The following ATG4D variants were observed in gnomAD, a reference collection of about 807,000 sequenced individuals.
The protein encoded by ATG4D is cysteine protease ATG4D.
Under a neutral mutation model 55.2 loss-of-function variants are expected in ATG4D, and 51 were observed. The ratio of observed to expected loss-of-function variants is 0.92; its 90% CI spans 0.74 to 1.17. ATG4D has a LOEUF of 1.17. ATG4D is among the 50% of genes most tolerant of loss of function. The pLI, the probability that ATG4D is intolerant of heterozygous loss-of-function variation, is 0.00. For synonymous variants in ATG4D, 268 were observed against 266.2 expected (o/e 1.01, Z -0.07); for missense variants, 635 against 649.6 (o/e 0.98, Z 0.25).
In ATG4D at chr19:10,553,303, C is replaced by A. The variant is rs546576171; in HGVS notation, c.*236C>A. 2.7e-5 allele frequency: 14 copies of A among 523,518 alleles called. No individual in the cohort carries two copies. The East Asian group carries it at 4.0e-4, about 15-fold the overall frequency. 32.4% of individuals were successfully genotyped at this position (523,518 alleles called of 1,614,324 possible). A position where few individuals can be genotyped will look rare whatever the true frequency, so the allele number is the denominator to read the frequency against. On this transcript the variant is annotated 3_prime_UTR_variant, in exon 10 of 10. Transcript: ENST00000309469. The stretch of plus-strand genomic sequence containing the variant: ...TAGGGAAGGAGGACCCCGGGCACCC[C>A]CCTCAGGGCCTGACTCACGTACTGT...
chr19:10,547,385 A>T, intron 5 of ATG4D, 132 bp downstream of exon 5: 1 of 1,074,010 alleles, frequency 9.3e-7, no homozygotes, highest in Non-Finnish European at 1.3e-6. Flanking sequence ...GAAGGATGCA[A>T]GGCCTGTGCA....
chr19:10,553,288 G>C lies in ATG4D; in HGVS notation c.*221G>C, dbSNP rs925493688. 7.0e-6 allele frequency: 4 copies of C among 569,924 alleles called. No homozygotes were observed. The highest frequency in any genetic ancestry group is 5.6e-5 in the African/African-American group (3 of 53,658). The allele number at this position is 569,924 out of a possible 1,614,324, so 35.3% of individuals were successfully genotyped here. A position where few individuals can be genotyped will look rare whatever the true frequency, so the allele number is the denominator to read the frequency against. On this transcript the variant is annotated 3_prime_UTR_variant, in exon 10 of 10. Coordinates refer to ENST00000309469, the MANE Select transcript of ATG4D (RefSeq NM_032885.6). ...GCCCTCCTGGCAGGGTAGGGAAGGA[G>C]GACCCCGGGCACCCCCCTCAGGGCC...
chr19:10,553,014 G>C lies in ATG4D; in HGVS notation c.1372G>C (p.Gly458Arg). 6.2e-7 allele frequency: 1 copy of C among 1,612,572 alleles called. No homozygotes were observed. Among genetic ancestry groups the C allele is most frequent in the Non-Finnish European group, 8.5e-7 (1 of 1,179,902 alleles). Residue 458 changes from glycine to arginine, a missense_variant, in exon 10 of 10, where the codon GGG (glycine) becomes CGG (arginine). Physicochemically the swap from Gly to Arg is moderately radical, Grantham distance 125. Transcript: ENST00000309469. ...GCCCACACTCCGGCTCCCTCGCACA[G>C]GGCGGCTCCTCAGGGCCAAACGCCC... ...AQPTLRLPRT[G>R]RLLRAKRPSS...
In ATG4D at chr19:10,553,206, G is replaced by T. The variant is rs933173964; in HGVS notation, c.*139G>T. On this transcript the variant is annotated 3_prime_UTR_variant, in exon 10 of 10. Transcript: ENST00000309469. ...CAAGCCCAGCTGCAACCAGTCTGGG[G>T]CCATTCAGCCAGGGACAGAGCCCAC... 3.8e-5 allele frequency: 42 copies of T among 1,102,224 alleles called. No homozygotes were observed. Among genetic ancestry groups the T allele is most frequent in the Admixed American group, 2.8e-4 (10 of 36,024 alleles). 68.3% of individuals were successfully genotyped at this position (1,102,224 alleles called of 1,614,324 possible).
chr19:10,551,500 C>G (rs1916226220), intron 6 of ATG4D, among the ~76,000 whole-genome samples: 1 of 151,264 alleles, frequency 6.6e-6, no homozygotes, highest in African/African-American at 2.4e-5. Context: ...GAGTTCCAGA[C>G]CAGCCTGGCT....
At chr19:10,552,836 T>C (rs1314830329) in intron 9 of ATG4D, 49 bp from the exon 10 acceptor site, 4 of 1,553,330 alleles carry the variant, frequency 2.6e-6, no homozygotes, top group Non-Finnish European at 3.5e-6. Context: ...GGCTAAGGAA[T>C]ATGGCTTGGC....
chr19:10,549,166 CAGGCTGG>C, intron 6 of ATG4D, 132 bp downstream of exon 6: 1 of 1,257,726 alleles, frequency 8.0e-7, no homozygotes, highest in Non-Finnish European at 1.1e-6. Flanking sequence ...TCTTGTTGCC[CAGGCTGG>C]AGGTCAATAA....
intron 9 of ATG4D, 70 bp from the exon 10 acceptor site, chr19:10,552,814 TA>T: frequency 6.7e-7 from 1 of 1,485,510 alleles, no homozygotes; most frequent in East Asian, 2.3e-5. Context: ...AAGCACCTAC[TA>T]AATAAACCTG....
rs1330428490 is a variant in ATG4D, at chr19:10,552,957, A to G, written c.1315A>G (p.Ser439Gly). The change falls in exon 10 of 10, where the codon AGC (serine) becomes GGC (glycine). Residue 439 changes from serine to glycine, a missense_variant. By Grantham distance (56) the Ser-to-Gly change is moderately conservative. Coordinates refer to ENST00000309469, the MANE Select transcript of ATG4D (RefSeq NM_032885.6). The stretch of plus-strand genomic sequence containing the variant: ...GGCCGAGGGCCATGCTCAGGACCAC[A>G]GCCTGGACGACCTCTGCTCCCAGCT... The part of the protein sequence containing the change: ...TLAEGHAQDH[S>G]LDDLCSQLAQ... 3 of 1,613,646 alleles carry G rather than the reference A, an allele frequency of 1.9e-6. No individual in the cohort carries two copies. The highest frequency in any genetic ancestry group is 1.7e-6 in the Non-Finnish European group (2 of 1,179,998).
In ATG4D at chr19:10,546,864, C is replaced by T; in HGVS notation, c.519C>T (p.Gly173=). The change falls in exon 4 of 10, where the codon GGC becomes GGT. Residue 173 remains glycine (G), a synonymous_variant. Coordinates refer to ENST00000309469, the MANE Select transcript of ATG4D (RefSeq NM_032885.6). ...ACTGGACATGGGCCGAGGGCATGGGCCTGGGCCCCCCTGAGCTGTCAGGGT... is the reference window on the plus strand; with the variant it reads ...ACTGGACATGGGCCGAGGGCATGGGTCTGGGCCCCCCTGAGCTGTCAGGGT... ...PRDWTWAEGM[G]LGPPELSGSA... The T allele has an allele frequency of 6.2e-7, 1 of 1,601,922 alleles. No homozygotes were observed. Among genetic ancestry groups the T allele is most frequent in the Non-Finnish European group, 8.5e-7 (1 of 1,173,182 alleles).
At chr19:10,550,236 G>T (rs1054576822) in intron 6 of ATG4D, among the ~76,000 whole-genome samples, 1 of 152,038 alleles carries the variant, frequency 6.6e-6, no homozygotes, top group African/African-American at 2.4e-5. Context: ...TTGAACTCCC[G>T]ACCTCAGGTG....
At chr19:10,545,814 C>T (rs777192896) in intron 3 of ATG4D, among the ~76,000 whole-genome samples, 30 of 151,574 alleles carry the variant, frequency 2.0e-4, no homozygotes, top group Non-Finnish European at 2.8e-4. Context: ...TGCAGTGAGC[C>T]GAGATCCGTG....
Position 10,553,035 on chromosome 19 carries a change from C to A in ATG4D, c.1393C>A (p.Arg465Ser), listed in dbSNP as rs755619900. The change falls in exon 10 of 10, where the codon CGC (arginine) becomes AGC (serine). Residue 465 changes from arginine (R) to serine (S), a missense_variant. By Grantham distance (110) the Arg-to-Ser change is moderately radical. Transcript: ENST00000309469. ...CACAGGGCGGCTCCTCAGGGCCAAA[C>A]GCCCCAGCTCTGAGGACTTTGTGTT... is the stretch of plus-strand genomic sequence containing the variant. Reference protein sequence around the residue: ...PRTGRLLRAKRPSSEDFVFL With the variant: ...PRTGRLLRAKSPSSEDFVFL 1 of 1,610,606 alleles carries A rather than the reference C, an allele frequency of 6.2e-7. No individual in the cohort carries two copies. The highest frequency in any genetic ancestry group is 2.2e-5 in the East Asian group (1 of 44,846).
At position 10,553,207 on chromosome 19, in the gene ATG4D, C is replaced by T. The variant is rs1240221825; in HGVS notation, c.*140C>T. On this transcript the variant is annotated 3_prime_UTR_variant, in exon 10 of 10. Coordinates refer to ENST00000309469, the MANE Select transcript of ATG4D (RefSeq NM_032885.6). ...AAGCCCAGCTGCAACCAGTCTGGGGCCATTCAGCCAGGGACAGAGCCCACA... is the reference window on the plus strand; with the variant it reads ...AAGCCCAGCTGCAACCAGTCTGGGGTCATTCAGCCAGGGACAGAGCCCACA... The T allele has an allele frequency of 3.8e-5, 42 of 1,096,824 alleles. No individual in the cohort carries two copies. The highest frequency in any genetic ancestry group is 2.8e-4 in the Admixed American group (10 of 35,872). The allele number at this position is 1,096,824 out of a possible 1,614,324, so 67.9% of individuals were successfully genotyped here. A position where few individuals can be genotyped will look rare whatever the true frequency, so the allele number is the denominator to read the frequency against.
Position 10,552,919 on chromosome 19 carries a change from C to G in ATG4D, c.1277C>G (p.Pro426Arg). Residue 426 changes from proline to arginine, a missense_variant, in exon 10 of 10, where the codon CCC (proline) becomes CGC (arginine). Coordinates refer to ENST00000309469, the MANE Select transcript of ATG4D (RefSeq NM_032885.6). Reference protein sequence around the residue: ...LSSSSATERYPMFTLAEGHAQ... With the variant: ...LSSSSATERYRMFTLAEGHAQ... ...TCCTCCTCAGCCACAGAGCGGTACC[C>G]CATGTTCACCCTGGCCGAGGGCCAT... 1.9e-6 allele frequency: 3 copies of G among 1,613,310 alleles called. 1 individual carries two copies. The highest frequency in any genetic ancestry group is 2.2e-5 in the South Asian group (2 of 91,076).
chr19:10,546,798 C>A (rs764336537), intron 3 of ATG4D, 41 bp from the exon 4 acceptor site: 13 of 1,517,636 alleles, frequency 8.6e-6, no homozygotes, highest in Middle Eastern at 5.0e-4. Flanking sequence ...CTCTGCCCCC[C>A]ACACACTAGC....
chr19:10,544,039 C>A lies in ATG4D; in HGVS notation c.-52C>A, dbSNP rs1915948341. ...CCGGCTGCGGGTCGCCCTTGGGGGG[C>A]AGCGGCCGCAGCCCCCCACCTGGGC... On this transcript the variant is annotated 5_prime_UTR_variant, in exon 1 of 10. Transcript: ENST00000309469. 1.5e-5 allele frequency: 18 copies of A among 1,187,684 alleles called. No homozygotes were observed. The highest frequency in any genetic ancestry group is 1.8e-5 in the Non-Finnish European group (17 of 948,744). The allele number at this position is 1,187,684 out of a possible 1,614,324, so 73.6% of individuals were successfully genotyped here.
chr19:10,549,928 A>G (rs896157501), intron 6 of ATG4D, among the ~76,000 whole-genome samples: 1 of 152,162 alleles, frequency 6.6e-6, no homozygotes, highest in Non-Finnish European at 1.5e-5. Context: ...GCTCAGGCCT[A>G]TAATCCCAGC....
chr19:10,552,016 ACC>A, intron 7 of ATG4D, 27 bp from the exon 8 acceptor site: 2 of 935,236 alleles, frequency 2.1e-6, no homozygotes, highest in East Asian at 6.4e-5. Flanking sequence ...CCCCCACCGC[ACC>A]CCCACTCACA....
Sources: gnomAD v4.1 joint callset for allele counts (sites outside exome capture counted in the v4.1 genomes callset) on GRCh38, gnomAD v4.1.1 for gene constraint, MANE v1.5 for transcripts, NCBI Gene and HGNC (gene_info 2026-07-23, HGNC 2026-07-21) for gene names.